PCDHGA3: variants seen among roughly 807,000 people sequenced by gnomAD.
PCDHGA3 encodes the protein protocadherin gamma subfamily A, 3, also known as protocadherin gamma-A3.
In PCDHGA3, 40 loss-of-function variants were observed where a neutral mutation model predicts 58.5. The ratio of observed to expected loss-of-function variants is 0.68; its 90% CI spans 0.53 to 0.89. PCDHGA3 has a LOEUF of 0.89. PCDHGA3 is among the 40% of genes least tolerant of loss of function. The probability of loss-of-function intolerance (pLI) is 0.00; values close to 1 mark genes in which losing one functional copy is unlikely to be tolerated. For missense variants in PCDHGA3, 1,223 were observed against 1,195.9 expected, an observed-to-expected ratio of 1.02 and a Z score of -0.33; for synonymous variants, 530 against 525.7, an observed-to-expected ratio of 1.01 and a Z score of -0.11.
intron 1 of PCDHGA3, chr5:141,360,273 C>A (rs1007767889): frequency 6.2e-7 from 1 of 1,613,890 alleles, no homozygotes; most frequent in Non-Finnish European, 8.5e-7. Context: ...AAAACTCGGT[C>A]GTAGGAAACC....
chr5:141,422,166 T>G (rs370704205), intron 1 of PCDHGA3: 30 of 1,569,256 alleles, frequency 1.9e-5, no homozygotes, highest in Non-Finnish European at 2.5e-5. Flanking sequence ...TTGAAAAATA[T>G]AGATTCTATG....
intron 1 of PCDHGA3, among the ~76,000 whole-genome samples, chr5:141,354,813 T>C (rs1228624896): frequency 6.6e-6 from 1 of 152,188 alleles, no homozygotes; most frequent in Non-Finnish European, 1.5e-5. Context: ...TTCATAAAGT[T>C]TATTGTACAG....
intron 1 of PCDHGA3, chr5:141,423,820 C>T: frequency 7.9e-7 from 1 of 1,272,642 alleles, no homozygotes. Context: ...TTTTACTTTG[C>T]CTTTCATGAG....
At chr5:141,353,106 T>A (rs1273542559) in intron 1 of PCDHGA3, among the ~76,000 whole-genome samples, 1 of 152,186 alleles carries the variant, frequency 6.6e-6, no homozygotes, top group Non-Finnish European at 1.5e-5. Context: ...ACTAGATAGA[T>A]GGAGATTGCT....
At chr5:141,505,913 T>C (rs1457583355) in intron 3 of PCDHGA3, among the ~76,000 whole-genome samples, 1 of 152,098 alleles carries the variant, frequency 6.6e-6, no homozygotes, top group African/African-American at 2.4e-5. Context: ...AAGCATAGAG[T>C]TCTGGGCCTG....
chr5:141,383,890 G>A lies in PCDHGA3; in HGVS notation c.2424+37433G>A, dbSNP rs1274384804. 3.1e-6 allele frequency: 5 copies of A among 1,613,936 alleles called. No individual in the cohort carries two copies. Among genetic ancestry groups the A allele is most frequent in the Non-Finnish European group, 4.2e-6 (5 of 1,179,896 alleles). On this transcript the variant is annotated intron_variant, in intron 1 of 3. Transcript: ENST00000253812. The stretch of plus-strand genomic sequence containing the variant: ...AGATGGTCCTGGTAGTCTGACAAAG[G>A]CAAAAGTACTGATCACAGTTTTAGA...
At chr5:141,362,069 C>T in intron 1 of PCDHGA3, 1 of 1,612,628 alleles carries the variant, frequency 6.2e-7, no homozygotes, top group African/African-American at 1.3e-5. Context: ...CTGCTGGTCG[C>T]TGTGCGTGAT....
At chr5:141,481,282 T>C (rs2099534931) in intron 1 of PCDHGA3, among the ~76,000 whole-genome samples, 1 of 152,148 alleles carries the variant, frequency 6.6e-6, no homozygotes, top group African/African-American at 2.4e-5. Flanking sequence ...CATAAAATGG[T>C]ATTTCAGTCA....
intron 1 of PCDHGA3, chr5:141,371,833 A>G (rs1171503468): frequency 1.2e-6 from 2 of 1,613,634 alleles, no homozygotes; most frequent in African/African-American, 2.7e-5. Flanking sequence ...TCGGATCCCG[A>G]CTTGGGACCT....
At chr5:141,393,289 AC>A in intron 1 of PCDHGA3, 2 of 1,613,936 alleles carry the variant, frequency 1.2e-6, no homozygotes, top group Non-Finnish European at 1.7e-6. Flanking sequence ...GAAGCTGTTG[AC>A]CCGGATGTGG....
At chr5:141,354,747 G>A (rs1295935407) in intron 1 of PCDHGA3, among the ~76,000 whole-genome samples, 1 of 152,038 alleles carries the variant, frequency 6.6e-6, no homozygotes, top group Non-Finnish European at 1.5e-5. Context: ...ACTGAAAAGA[G>A]GAAGAACACA....
At chr5:141,447,313 T>C (rs2098534296) in intron 1 of PCDHGA3, among the ~76,000 whole-genome samples, 1 of 152,146 alleles carries the variant, frequency 6.6e-6, no homozygotes, top group African/African-American at 2.4e-5. Context: ...CTAATTTTTG[T>C]ATTTTTAGTA....
rs2099404338 is a variant in PCDHGA3, at chr5:141,477,060, C to T, written c.2425-17747C>T. On this transcript the variant is annotated intron_variant, in intron 1 of 3. Coordinates refer to ENST00000253812, the MANE Select transcript of PCDHGA3 (RefSeq NM_018916.4). This position sits in a 1 kb window ranked among gnomAD's most constrained non-coding sequence, Gnocchi z 4.9. Reference sequence around the variant, plus strand: ...AAGGGTCGGCTGGACTTCGAGGACACCAAACTCCATGAGATTTACATCCAG... The same window carrying T: ...AAGGGTCGGCTGGACTTCGAGGACATCAAACTCCATGAGATTTACATCCAG... 3.7e-6 allele frequency: 6 copies of T among 1,614,256 alleles called. No individual in the cohort carries two copies. The highest frequency in any genetic ancestry group is 5.1e-6 in the Non-Finnish European group (6 of 1,180,046).
At position 141,344,732 on chromosome 5, in the gene PCDHGA3, G is replaced by C; in HGVS notation, c.699G>C (p.Leu233=). 6.2e-7 allele frequency: 1 copy of C among 1,613,952 alleles called. No individual in the cohort carries two copies. The highest frequency in any genetic ancestry group is 8.5e-7 in the Non-Finnish European group (1 of 1,179,890). Residue 233 remains leucine (L), a synonymous_variant, in exon 1 of 4, where the codon CTG becomes CTC. Transcript: ENST00000253812. The part of the protein sequence containing the change: ...SGNLHIQVIV[L]DANDNPPMFT... The stretch of plus-strand genomic sequence containing the variant: ...ACTTGCACATCCAAGTGATAGTCCT[G>C]GATGCAAATGACAACCCACCAATGT...
intron 2 of PCDHGA3, among the ~76,000 whole-genome samples, chr5:141,503,351 C>T (rs1186394919): frequency 6.6e-6 from 1 of 151,994 alleles, no homozygotes; most frequent in Admixed American, 6.6e-5. Context: ...AATTCCAGCA[C>T]TTTGGGAAGC....
intron 1 of PCDHGA3, chr5:141,421,708 C>T (rs2096594348): frequency 1.9e-6 from 3 of 1,613,780 alleles, no homozygotes; most frequent in South Asian, 2.2e-5. Flanking sequence ...TGCTAGGGAT[C>T]CAGATGTGGG....
intron 3 of PCDHGA3, chr5:141,506,958 A>C (rs529190059): frequency 1.6e-3 from 239 of 152,280 alleles, no homozygotes; most frequent in African/African-American, 5.5e-3. Flanking sequence ...GAATCCTCTC[A>C]ATAGCTCTGC....
At chr5:141,375,707 C>G in intron 1 of PCDHGA3, 1 of 1,614,264 alleles carries the variant, frequency 6.2e-7, no homozygotes, top group Non-Finnish European at 8.5e-7. Context: ...GGACCCGCCT[C>G]TTAGCAGCAA....
chr5:141,490,948 G>T lies in PCDHGA3; in HGVS notation c.2425-3859G>T. 1 of 1,613,756 alleles carries T rather than the reference G, an allele frequency of 6.2e-7. No homozygotes were observed. The highest frequency in any genetic ancestry group is 8.5e-7 in the Non-Finnish European group (1 of 1,179,810). On this transcript the variant is annotated intron_variant, in intron 1 of 3. Coordinates refer to ENST00000253812, the MANE Select transcript of PCDHGA3 (RefSeq NM_018916.4). The surrounding 1 kb of genome is among the most constrained non-coding windows in gnomAD (Gnocchi z 5.4). The stretch of plus-strand genomic sequence containing the variant: ...CCCAGCTGTGCTGCACCCACGGCCA[G>T]ACTGGGAACACTCAGCCCCCCAGCG...
Sources: allele counts gnomAD v4.1 joint callset (sites outside exome capture counted in the v4.1 genomes callset), GRCh38; gene constraint gnomAD v4.1.1; non-coding constraint Gnocchi (gnomAD v3.1); transcripts MANE v1.5; gene names NCBI Gene and HGNC (gene_info 2026-07-23, HGNC 2026-07-21).